PPP2R3B: variants seen among roughly 807,000 people sequenced by gnomAD.
PPP2R3B encodes protein phosphatase 2 regulatory subunit B''beta, also known as serine/threonine-protein phosphatase 2A regulatory subunit B'' subunit beta.
PPP2R3B carries 68 observed loss-of-function variants against 72.9 expected under a neutral mutation model. That is an observed-to-expected ratio of 0.93 (90% confidence interval 0.77 to 1.14). PPP2R3B has a LOEUF of 1.14. PPP2R3B is among the 50% of genes most tolerant of loss of function. The pLI is 0.00. For synonymous variants in PPP2R3B, 466 were observed against 375.8 expected (o/e 1.24, Z -2.78); for missense variants, 1,018 against 842.0 (o/e 1.21, Z -2.59).
At chrX:342,934 AGGAGAGG>A (rs2071115367) in intron 7 of PPP2R3B, among the ~76,000 whole-genome samples, 2 of 22,298 alleles carry the variant, frequency 9.0e-5, no homozygotes, top group Non-Finnish European at 1.9e-4. Flanking sequence ...GACCTCGCCA[AGGAGAGG>A]CGGGAGTGAG....
At chrX:345,721 C>A in intron 6 of PPP2R3B, 49 bp from the exon 7 acceptor site, 1 of 1,595,598 alleles carries the variant, frequency 6.3e-7, no homozygotes, top group Non-Finnish European at 8.5e-7. Flanking sequence ...GCGGGGATGC[C>A]CCAAGTCCGC....
At chrX:384,056 TAAGTCACACACCGCCTACACTTAAAG>T (rs1279983523) in intron 1 of PPP2R3B, among the ~76,000 whole-genome samples, 1 of 151,738 alleles carries the variant, frequency 6.6e-6, no homozygotes, top group Non-Finnish European at 1.5e-5. Context: ...AGGTGAGGGT[TAAGTCACACACCGCCTACACTTAAAG>T]AATAAACTAC....
Position 334,497 on chromosome X carries a change from G to T in PPP2R3B, c.1598C>A (p.Pro533His). 3 of 1,564,760 alleles carry T rather than the reference G, an allele frequency of 1.9e-6. No individual in the cohort carries two copies. The highest frequency in any genetic ancestry group is 2.6e-6 in the Non-Finnish European group (3 of 1,162,020). ...WEDGFEAELS[P>H]VEQKLSALRS... ...CAGCGCACTCAGCTTCTGCTCCACA[G>T]GGCTGAGCTCGGCCTCGAACCTGCA... The change falls in exon 13 of 13, where the codon CCT becomes CAT. Residue 533 changes from proline to histidine, a missense_variant. Transcript: ENST00000390665.
intron 2 of PPP2R3B, among the ~76,000 whole-genome samples, chrX:360,044 C>A (rs1272529536): frequency 6.6e-6 from 1 of 152,150 alleles, no homozygotes; most frequent in Non-Finnish European, 1.5e-5. Context: ...TGCCCTAAAA[C>A]CAAAACCAGA....
chrX:386,766 C>T lies in PPP2R3B; in HGVS notation c.-75G>A. 1 of 994,048 alleles carries T rather than the reference C, an allele frequency of 1.0e-6. No homozygotes were observed. 61.6% of individuals were successfully genotyped at this position (994,048 alleles called of 1,614,324 possible). A position where few individuals can be genotyped will look rare whatever the true frequency, so the allele number is the denominator to read the frequency against. ...CCCGGGGGCTTCGGTCCGCCCCGGA[C>T]CGACCTCGGTGATGCGAGCACGGCC... On this transcript the variant is annotated 5_prime_UTR_variant, in exon 1 of 13. Coordinates refer to ENST00000390665, the MANE Select transcript of PPP2R3B (RefSeq NM_013239.5).
At chrX:360,546 CCAAAAAA>C (rs2071518125) in intron 2 of PPP2R3B, among the ~76,000 whole-genome samples, 1 of 152,072 alleles carries the variant, frequency 6.6e-6, no homozygotes, top group Non-Finnish European at 1.5e-5. Context: ...ACAAGCAAAC[CCAAAAAA>C]CAAAAACCTG....
chrX:341,309 G>C lies in PPP2R3B; in HGVS notation c.1173C>G (p.Thr391=). The C allele has an allele frequency of 6.2e-7, 1 of 1,612,486 alleles. No homozygotes were observed. The highest frequency in any genetic ancestry group is 8.5e-7 in the Non-Finnish European group (1 of 1,179,710). ...CGCATGCCGCAGCAGGAACCCACCT[G>C]GTCGGTGTTTTTTTGTCTTCCTCAG... is the stretch of plus-strand genomic sequence containing the variant. The part of the protein sequence containing the change: ...LISEEDKKTP[T]SIEYWFRCMD... Residue 391 remains threonine, a splice_region_variant and synonymous_variant, in exon 9 of 13, where the codon ACC becomes ACG. Transcript: ENST00000390665.
In PPP2R3B at chrX:340,667, T is replaced by C. The variant is rs2738367; in HGVS notation, c.1351+98A>G. 85 of 299,324 alleles carry C rather than the reference T, an allele frequency of 2.8e-4. 2 individuals are homozygous for C. Among genetic ancestry groups the C allele is most frequent in the South Asian group, 2.2e-3 (41 of 18,896 alleles). The allele number at this position is 299,324 out of a possible 1,614,324, so 18.5% of individuals were successfully genotyped here. On this transcript the variant is annotated intron_variant, in intron 10 of 12. Coordinates refer to ENST00000390665, the MANE Select transcript of PPP2R3B (RefSeq NM_013239.5). ...TCCCTGGGCTGTCATCCGTCCCCTCTCCCTGGGCCGTCCTCTCGCCCGTCC... is the reference window on the plus strand; with the variant it reads ...TCCCTGGGCTGTCATCCGTCCCCTCCCCCTGGGCCGTCCTCTCGCCCGTCC...
At chrX:351,018 G>GGA (rs1244277948) in intron 2 of PPP2R3B, among the ~76,000 whole-genome samples, 1 of 152,166 alleles carries the variant, frequency 6.6e-6, no homozygotes, top group African/African-American at 2.4e-5. Flanking sequence ...CCACGGGGGG[G>GGA]CGTGGGGGAC....
chrX:346,100 A>AGGTAGGAGAGAGG lies in PPP2R3B; in HGVS notation c.879+73_879+74insCCTCTCTCCTACC. ...GGGAGGGGAGGAGGGAGGGGGGAGG[A>AGGTAGGAGAGAGG]GGGAAGGGAAGGGAGTGGAGGTAGG... On this transcript the variant is annotated intron_variant, in intron 6 of 12. Transcript: ENST00000390665. The AGGTAGGAGAGAGG allele has an allele frequency of 4.6e-6, 3 of 655,842 alleles. No individual in the cohort carries two copies. In the South Asian group the frequency reaches 5.2e-5, roughly 11 times the overall value. The allele number at this position is 655,842 out of a possible 1,614,324, so 40.6% of individuals were successfully genotyped here.
rs758457164 is a variant in PPP2R3B, at chrX:359,879, G to C, written c.510+1526C>G. On this transcript the variant is annotated intron_variant, in intron 2 of 12. Coordinates refer to ENST00000390665, the MANE Select transcript of PPP2R3B (RefSeq NM_013239.5). ...AACAGCACAGACAGGGACAGAACCT[G>C]GACTTACCTGAATGTGTCTAGTTTG... The C allele has an allele frequency of 7.9e-6, 4 of 509,494 alleles. No individual in the cohort carries two copies. The East Asian group carries it at 2.2e-4, about 28-fold the overall frequency. 31.6% of individuals were successfully genotyped at this position (509,494 alleles called of 1,614,324 possible). A position where few individuals can be genotyped will look rare whatever the true frequency, so the allele number is the denominator to read the frequency against.
rs769012765 is a variant in PPP2R3B at position 377,871 on chromosome X, G to C, written c.324+8497C>G. Among the ~76,000 whole-genome samples, 24 of 98,606 alleles carry C rather than the reference G, an allele frequency of 2.4e-4. 2 individuals are homozygous for C. The East Asian group carries it at 4.1e-3, about 17-fold the overall frequency. The allele number at this position is 98,606 out of a possible 152,430, so 64.7% of individuals were successfully genotyped here. On this transcript the variant is annotated intron_variant, in intron 1 of 12. Coordinates refer to ENST00000390665, the MANE Select transcript of PPP2R3B (RefSeq NM_013239.5). ...GTCCACACCCAGTGGGTCCGCCGTGGGGCTGTCTATACACTACTGTGTACA... is the reference window on the plus strand; with the variant it reads ...GTCCACACCCAGTGGGTCCGCCGTGCGGCTGTCTATACACTACTGTGTACA...
intron 1 of PPP2R3B, among the ~76,000 whole-genome samples, chrX:364,525 A>AG (rs985400673): frequency 6.6e-6 from 1 of 150,914 alleles, no homozygotes; most frequent in African/African-American, 2.4e-5. Context: ...AAAAAACAAA[A>AG]AAAAAAAAAC....
At chrX:384,300 T>TATATATAC (rs2072197265) in intron 1 of PPP2R3B, among the ~76,000 whole-genome samples, 3 of 134,166 alleles carry the variant, frequency 2.2e-5, no homozygotes, top group African/African-American at 9.0e-5. Flanking sequence ...ATATATATAC[T>TATATATAC]TTTTTTTTTT....
chrX:357,948 C>T (rs1052889798), intron 2 of PPP2R3B, among the ~76,000 whole-genome samples: 1 of 152,190 alleles, frequency 6.6e-6, no homozygotes, highest in Non-Finnish European at 1.5e-5. Context: ...CCTCGCTGCA[C>T]GGCCACGGCT....
intron 1 of PPP2R3B, among the ~76,000 whole-genome samples, chrX:379,503 A>C (rs2072079643): frequency 6.6e-6 from 1 of 152,196 alleles, no homozygotes; most frequent in Admixed American, 6.5e-5. Flanking sequence ...ATGCACACGC[A>C]CGCCCGTGTT....
rs749202192 is a variant in PPP2R3B at position 345,416 on chromosome X, C to T, written c.1036+100G>A. On this transcript the variant is annotated intron_variant, in intron 7 of 12. Transcript: ENST00000390665. ...AGGAGAGGCAGCTGCAGACACAGAGCTGGGAGTGCGGAAGGAGAGGCAGCT... is the reference window on the plus strand; with the variant it reads ...AGGAGAGGCAGCTGCAGACACAGAGTTGGGAGTGCGGAAGGAGAGGCAGCT... The T allele has an allele frequency of 8.2e-6, 12 of 1,462,650 alleles. No homozygotes were observed. The African/African-American group carries it at 1.3e-4, about 15-fold the overall frequency. 90.6% of individuals were successfully genotyped at this position (1,462,650 alleles called of 1,614,324 possible).
intron 10 of PPP2R3B, among the ~76,000 whole-genome samples, chrX:339,355 A>G (rs1262101875): frequency 1.7e-5 from 2 of 115,428 alleles, no homozygotes; most frequent in Non-Finnish European, 3.5e-5. Flanking sequence ...TCTGAGATGC[A>G]GAAGGAAGCC....
At chrX:375,816 A>ACGGCG (rs1569415924) in intron 1 of PPP2R3B, among the ~76,000 whole-genome samples, 9 of 151,546 alleles carry the variant, frequency 5.9e-5, no homozygotes, top group African/African-American at 2.2e-4. Context: ...CTGCCACGCC[A>ACGGCG]GGTGACACAC....
Sources: gnomAD v4.1 joint callset for allele counts (sites outside exome capture counted in the v4.1 genomes callset) on GRCh38, gnomAD v4.1.1 for gene constraint, MANE v1.5 for transcripts, NCBI Gene and HGNC (gene_info 2026-07-23, HGNC 2026-07-21) for gene names.